Variants in CFAP100 observed in about 807,000 individuals in gnomAD.
CFAP100 encodes cilia- and flagella-associated protein 100.
A neutral mutation model predicts 81.5 loss-of-function variants in CFAP100; 70 were observed. The observed-to-expected ratio is 0.86, with a 90% CI of 0.71 to 1.05. CFAP100 has a LOEUF of 1.05. CFAP100 is among the 50% of genes least tolerant of loss of function. The probability of loss-of-function intolerance (pLI) is 0.00; values close to 1 mark genes in which losing one functional copy is unlikely to be tolerated. For synonymous variants in CFAP100, 341 were observed against 314.8 expected, an observed-to-expected ratio of 1.08 and a Z score of -0.88; for missense variants, 811 against 776.5, an observed-to-expected ratio of 1.04 and a Z score of -0.53.
intron 11 of CFAP100, 29 bp from the exon 12 acceptor site, chr3:126,423,294 CCA>C: frequency 6.3e-7 from 1 of 1,598,378 alleles, no homozygotes; most frequent in Non-Finnish European, 8.5e-7. Context: ...CAGGCTGGTC[CCA>C]GAGTCCCGAC....
rs1162501520 is a variant in CFAP100 at position 126,416,504 on chromosome 3, C to T, written c.414C>T (p.Thr138=). Residue 138 remains threonine (T), a synonymous_variant, in exon 5 of 17, where the codon ACC becomes ACT. Coordinates refer to ENST00000352312, the MANE Select transcript of CFAP100 (RefSeq NM_182628.3). ...RDYTTWKLTL[T]KEKNVEPENM... is the part of the protein sequence containing the mutation. ...ACACGACCTGGAAGCTCACCTTGAC[C>T]AAAGGTGCGTCCCCTCCGGCGCGGG... 1.3e-6 allele frequency: 2 copies of T among 1,584,138 alleles called. No individual in the cohort carries two copies. The highest frequency in any genetic ancestry group is 1.7e-6 in the Non-Finnish European group (2 of 1,163,314).
intron 13 of CFAP100, among the ~76,000 whole-genome samples, chr3:126,431,687 A>C (rs187916505): frequency 6.0e-4 from 92 of 152,158 alleles, no homozygotes; most frequent in African/African-American, 2.1e-3. Context: ...TGTATCGTTA[A>C]ATTCTTCTAT....
chr3:126,419,080 G>T lies in CFAP100; in HGVS notation c.655G>T (p.Glu219Ter). ...CCCCCGCCGCCCAACCCCTAGGGCT[G>T]AGAAGGAGACCAAAGCCAAGATAGA... The part of the protein sequence containing the change: ...CSSVQAMRAA[E>*]KETKAKIEKI... Residue 219 changes from glutamate to a stop codon, truncating the protein, a stop_gained, in exon 8 of 17, where the codon GAG becomes TAG. Transcript: ENST00000352312. LOFTEE classifies it high-confidence loss of function. 1 of 1,564,954 alleles carries T rather than the reference G, an allele frequency of 6.4e-7. No homozygotes were observed.
chr3:126,414,159 G>T lies in CFAP100; in HGVS notation c.205G>T (p.Glu69Ter). Residue 69 changes from glutamate (E) to a stop codon, truncating the protein, a stop_gained, in exon 4 of 17, where the codon GAG (glutamate) becomes TAG (stop). Transcript: ENST00000352312. LOFTEE classifies it high-confidence loss of function. ...DVDFFLLRDQ[E>*]RNKALSERQQ... ...GGATTTCTTCTTGCTCAGAGATCAG[G>T]AGCGGAATAAGGCTCTCTCCGTGAG... The T allele has an allele frequency of 6.2e-7, 1 of 1,613,946 alleles. No homozygotes were observed.
chr3:126,436,295 G>A lies in CFAP100; in HGVS notation c.1727G>A (p.Gly576Asp), dbSNP rs1933444109. The A allele has an allele frequency of 5.0e-6, 8 of 1,613,210 alleles. No individual in the cohort carries two copies. The highest frequency in any genetic ancestry group is 1.3e-5 in the African/African-American group (1 of 74,912). ...RAQAEIKKKR[G>D]RTLVCRSRPP... ...CTGGGCTTGTTTCCCCTGCAGAGAG[G>A]CAGGACACTGGTATGCCGCTCACGA... is the stretch of plus-strand genomic sequence containing the variant. The change falls in exon 17 of 17, where the codon GGC becomes GAC. Residue 576 changes from glycine to aspartate, a missense_variant. Coordinates refer to ENST00000352312, the MANE Select transcript of CFAP100 (RefSeq NM_182628.3).
At chr3:126,402,317 T>C (rs1367264950) in intron 2 of CFAP100, among the ~76,000 whole-genome samples, 1 of 152,184 alleles carries the variant, frequency 6.6e-6, no homozygotes, top group East Asian at 1.9e-4. Context: ...GAGAGATGGC[T>C]GCTTACTCAC....
intron 13 of CFAP100, among the ~76,000 whole-genome samples, chr3:126,424,525 A>G (rs1264412716): frequency 1.3e-5 from 2 of 152,160 alleles, no homozygotes; most frequent in Non-Finnish European, 2.9e-5. Context: ...CCTCCAGGAG[A>G]ACTGGGCAGG....
chr3:126,401,394 A>ATT (rs1553787527), intron 2 of CFAP100, among the ~76,000 whole-genome samples: 7,755 of 79,714 alleles, frequency 0.097, 758 homozygotes, highest in Non-Finnish European at 0.12. Flanking sequence ...GGCAAATCGT[A>ATT]TTTTATATAT....
intron 11 of CFAP100, among the ~76,000 whole-genome samples, chr3:126,421,603 G>A (rs538549829): frequency 3.6e-4 from 55 of 152,280 alleles, no homozygotes; most frequent in Admixed American, 7.2e-4. Flanking sequence ...TCTCCTCCAC[G>A]GGGCCTTTAT....
rs777075733 is a variant in CFAP100 at position 126,423,542 on chromosome 3, G to T, written c.1184G>T (p.Arg395Leu). Residue 395 changes from arginine (R) to leucine (L), a missense_variant, in exon 13 of 17, where the codon CGA (arginine) becomes CTA (leucine). By Grantham distance (102) the Arg-to-Leu change is moderately radical. Coordinates refer to ENST00000352312, the MANE Select transcript of CFAP100 (RefSeq NM_182628.3). ...CCCCAGCAGCTCCTGGATGTCTTCCGAGAGCTGGAGGAGCAGAACCTGTCG... is the reference window on the plus strand; with the variant it reads ...CCCCAGCAGCTCCTGGATGTCTTCCTAGAGCTGGAGGAGCAGAACCTGTCG... ...TEPQQLLDVFRELEEQNLSLI... is the reference protein window; with the variant it reads ...TEPQQLLDVFLELEEQNLSLI... 2 of 1,614,158 alleles carry T rather than the reference G, an allele frequency of 1.2e-6. No individual in the cohort carries two copies. The highest frequency in any genetic ancestry group is 2.2e-5 in the East Asian group (1 of 44,872).
intron 2 of CFAP100, among the ~76,000 whole-genome samples, chr3:126,400,071 T>C (rs1428121050): frequency 1.3e-5 from 2 of 152,196 alleles, no homozygotes; most frequent in Admixed American, 1.3e-4. Flanking sequence ...CCCTCCACTC[T>C]TGTGAGAGCT....
intron 4 of CFAP100, among the ~76,000 whole-genome samples, chr3:126,415,092 A>G (rs1190719104): frequency 1.3e-5 from 2 of 152,148 alleles, no homozygotes; most frequent in East Asian, 1.9e-4. Flanking sequence ...ACCCTACTGT[A>G]TCTTCTCCAA....
Position 126,418,686 on chromosome 3 carries a change from C to G in CFAP100, c.562C>G (p.Arg188Gly). The part of the protein sequence containing the change: ...LATKEEARLE[R>G]AEKSLEKDAA... ...GACCAAAGAGGAGGCCAGGCTGGAG[C>G]GGGCCGAGAAATCCCTGGAGAAGGA... The change falls in exon 7 of 17, where the codon CGG becomes GGG. Residue 188 changes from arginine (R) to glycine (G), a missense_variant. Arg to Gly is a moderately radical substitution (Grantham distance 125). Transcript: ENST00000352312. 1 of 1,582,168 alleles carries G rather than the reference C, an allele frequency of 6.3e-7. No homozygotes were observed. Among genetic ancestry groups the G allele is most frequent in the Non-Finnish European group, 8.6e-7 (1 of 1,165,630 alleles).
At chr3:126,433,602 G>A (rs892371754) in intron 14 of CFAP100, 2 of 205,656 alleles carry the variant, frequency 9.7e-6, no homozygotes, top group Non-Finnish European at 9.8e-6. Flanking sequence ...GGCTCAGCCC[G>A]CTCCCAACCT....
intron 3 of CFAP100, among the ~76,000 whole-genome samples, chr3:126,410,123 C>T (rs1216991430): frequency 1.3e-5 from 2 of 152,204 alleles, no homozygotes; most frequent in Middle Eastern, 6.3e-3. Flanking sequence ...ATTGCTTGAA[C>T]CCAGGAGACG....
intron 5 of CFAP100, chr3:126,418,095 C>A (rs1316354212): frequency 4.1e-6 from 1 of 241,948 alleles, no homozygotes. Context: ...TGTCCTCATC[C>A]CCATTCAGGT....
intron 13 of CFAP100, among the ~76,000 whole-genome samples, chr3:126,427,881 G>A (rs891027135): frequency 3.3e-5 from 5 of 152,204 alleles, no homozygotes; most frequent in Admixed American, 2.0e-4. Flanking sequence ...ATAGCAGAAG[G>A]TGAAGGCACA....
Position 126,396,089 on chromosome 3 carries a change from G to A in CFAP100, c.49+40G>A, listed in dbSNP as rs776571653. Reference sequence around the variant, plus strand: ...AGGGTGGGCACTCTCAGAGGTCAGGGGCAGCTTCGGAGCCTGTCCAGCTCC... The same window carrying A: ...AGGGTGGGCACTCTCAGAGGTCAGGAGCAGCTTCGGAGCCTGTCCAGCTCC... On this transcript the variant is annotated intron_variant, in intron 2 of 16. Coordinates refer to ENST00000352312, the MANE Select transcript of CFAP100 (RefSeq NM_182628.3). The A allele has an allele frequency of 4.6e-6, 7 of 1,531,420 alleles. No individual in the cohort carries two copies. The Admixed American group carries it at 1.2e-4, about 26-fold the overall frequency. 94.9% of individuals were successfully genotyped at this position (1,531,420 alleles called of 1,614,324 possible).
chr3:126,428,845 G>A (rs1269587805), intron 13 of CFAP100, among the ~76,000 whole-genome samples: 2 of 152,060 alleles, frequency 1.3e-5, no homozygotes, highest in African/African-American at 2.4e-5. Context: ...GGTGGCTCAC[G>A]CCTGTAATCC....
Sources: allele counts gnomAD v4.1 joint callset (sites outside exome capture counted in the v4.1 genomes callset), GRCh38; gene constraint gnomAD v4.1.1; transcripts MANE v1.5; gene names NCBI Gene and HGNC (gene_info 2026-07-23, HGNC 2026-07-21).